The following SLC25A3 variants were observed in gnomAD, a reference collection of about 807,000 sequenced individuals.
The protein encoded by SLC25A3 is phosphate transport protein.
SLC25A3 carries 14 observed loss-of-function variants against 37.1 expected under a neutral mutation model. The ratio of observed to expected loss-of-function variants is 0.38; its 90% CI spans 0.25 to 0.59. The LOEUF is 0.59. SLC25A3 is among the 20% of genes least tolerant of loss of function. The pLI, the probability that SLC25A3 is intolerant of heterozygous loss-of-function variation, is 0.67. For synonymous variants in SLC25A3, 161 were observed against 168.7 expected (o/e 0.95, Z 0.36); for missense variants, 385 against 458.1 (o/e 0.84, Z 1.46).
chr12:98,596,745 CG>C (rs1433141013), intron 3 of SLC25A3, among the ~76,000 whole-genome samples: 2 of 152,230 alleles, frequency 1.3e-5, no homozygotes, highest in African/African-American at 4.8e-5. Flanking sequence ...CAAGCATGGT[CG>C]CCCACACCTG....
At chr12:98,600,232 T>C (rs774036073) in intron 6 of SLC25A3, 105 bp downstream of exon 6, 100 of 868,692 alleles carry the variant, frequency 1.2e-4, no homozygotes, top group Non-Finnish European at 1.8e-4. Context: ...TATAAAGCAG[T>C]GTTTTTGTTT....
In SLC25A3 at chr12:98,599,974, C is replaced by G; in HGVS notation, c.661C>G (p.Pro221Ala). ...GLKAFYKGVA[P>A]LWMRQIPYTM... ...TCCTAGATTCTACAAGGGGGTTGCTCCTCTCTGGATGAGACAGATACCATA... is the reference window on the plus strand; with the variant it reads ...TCCTAGATTCTACAAGGGGGTTGCTGCTCTCTGGATGAGACAGATACCATA... Residue 221 changes from proline to alanine, a missense_variant, in exon 6 of 8, where the codon CCT becomes GCT. This residue lies in a region of SLC25A3 where 276 missense variants were observed against 367.6 expected (regional missense o/e 0.75). Transcript: ENST00000552981. 1 of 1,613,958 alleles carries G rather than the reference C, an allele frequency of 6.2e-7. No individual in the cohort carries two copies. The highest frequency in any genetic ancestry group is 8.5e-7 in the Non-Finnish European group (1 of 1,179,836).
chr12:98,594,978 TTGAC>T, intron 2 of SLC25A3: 1 of 198,952 alleles, frequency 5.0e-6, no homozygotes, highest in East Asian at 1.3e-4. Context: ...TTAAATGTAT[TTGAC>T]TGCAGGAATT....
chr12:98,595,224 C>T (rs550205242), intron 2 of SLC25A3: 4 of 576,762 alleles, frequency 6.9e-6, no homozygotes, highest in Admixed American at 3.0e-5. Flanking sequence ...TGGCAGAATA[C>T]GAGCTATTAA....
At chr12:98,598,373 A>T in intron 4 of SLC25A3, 149 bp from the exon 5 acceptor site, 1 of 1,193,432 alleles carries the variant, frequency 8.4e-7, no homozygotes, top group Non-Finnish European at 1.2e-6. Context: ...GTGTTTTGTT[A>T]ATGAGGTTAT....
Position 98,593,703 on chromosome 12 carries a change from T to C in SLC25A3, c.-42T>C, listed in dbSNP as rs2097590347. The C allele has an allele frequency of 3.7e-6, 2 of 543,056 alleles. No individual in the cohort carries two copies. Among genetic ancestry groups the C allele is most frequent in the Non-Finnish European group, 6.7e-6 (2 of 300,324 alleles). 33.6% of individuals were successfully genotyped at this position (543,056 alleles called of 1,614,324 possible). ...CGTCCGGCCTCTGTGAGCCGCAACC[T>C]TTCCAAGGGAGTGGTTGTGTGATCG... is the stretch of plus-strand genomic sequence containing the variant. On this transcript the variant is annotated 5_prime_UTR_variant, in exon 1 of 8. Transcript: ENST00000552981.
intron 4 of SLC25A3, 72 bp downstream of exon 4, chr12:98,598,107 G>C: frequency 3.3e-6 from 5 of 1,516,122 alleles, no homozygotes; most frequent in Non-Finnish European, 4.6e-6. Flanking sequence ...ATTTTTGTCT[G>C]TCTTGCCTTA....
At chr12:98,593,901 T>C (rs1565828364) in intron 1 of SLC25A3, 74 bp from the exon 2 acceptor site, 1 of 1,563,878 alleles carries the variant, frequency 6.4e-7, no homozygotes, top group Non-Finnish European at 8.8e-7. Flanking sequence ...AAGGCCCCGG[T>C]TGGGGTTCCA....
rs1265804635 is a variant in SLC25A3, at chr12:98,602,897, A to G, written c.*1369A>G. On this transcript the variant is annotated 3_prime_UTR_variant, in exon 8 of 8. Coordinates refer to ENST00000552981, the MANE Select transcript of SLC25A3 (RefSeq NM_002635.4). ...AGAAATGTTACTACAAACTCATGGT[A>G]AGGTCAGTGAACTCAATTTAGAAGC... is the stretch of plus-strand genomic sequence containing the variant. 3 of 152,218 alleles carry G rather than the reference A, an allele frequency of 2.0e-5. No individual in the cohort carries two copies. The highest frequency in any genetic ancestry group is 4.1e-4 in the South Asian group (2 of 4,836). The allele number at this position is 152,218 out of a possible 1,614,324, so 9.4% of individuals were successfully genotyped here. A position where few individuals can be genotyped will look rare whatever the true frequency, so the allele number is the denominator to read the frequency against.
At chr12:98,595,467 C>T in intron 2 of SLC25A3, 2 of 1,613,308 alleles carry the variant, frequency 1.2e-6, no homozygotes, top group Non-Finnish European at 1.7e-6. Flanking sequence ...CTGGCAGATT[C>T]TTTATCCTTT....
At chr12:98,595,973 C>G in intron 3 of SLC25A3, 125 bp downstream of exon 3, 1 of 881,634 alleles carries the variant, frequency 1.1e-6, no homozygotes, top group Non-Finnish European at 1.9e-6. Context: ...CATAGAATTT[C>G]TTTAAATTGT....
rs2097598198 is a variant in SLC25A3, at chr12:98,601,871, T to G, written c.*343T>G. On this transcript the variant is annotated 3_prime_UTR_variant, in exon 8 of 8. Coordinates refer to ENST00000552981, the MANE Select transcript of SLC25A3 (RefSeq NM_002635.4). ...TCAGAAATTGTCATATGTCTCAAGT[T>G]TTATCACACAAAGTTCCTGTATTTC... is the stretch of plus-strand genomic sequence containing the variant. The G allele has an allele frequency of 4.1e-6, 1 of 246,572 alleles. No homozygotes were observed. The highest frequency in any genetic ancestry group is 8.0e-6 in the Non-Finnish European group (1 of 125,192). The allele number at this position is 246,572 out of a possible 1,614,324, so 15.3% of individuals were successfully genotyped here.
In SLC25A3 at chr12:98,597,872, A is replaced by G; in HGVS notation, c.296A>G (p.Tyr99Cys). 2 of 1,614,008 alleles carry G rather than the reference A, an allele frequency of 1.2e-6. No homozygotes were observed. Among genetic ancestry groups the G allele is most frequent in the Non-Finnish European group, 1.7e-6 (2 of 1,179,910 alleles). ...TAAATAAAGGTGGACCCCCAAAAGT[A>G]CAAGGGCATATTTAACGGATTCTCA... Reference protein sequence around the residue: ...KCRMQVDPQKYKGIFNGFSVT... With the variant: ...KCRMQVDPQKCKGIFNGFSVT... The change falls in exon 4 of 8, where the codon TAC becomes TGC. Residue 99 changes from tyrosine (Y) to cysteine (C), a missense_variant. Around this residue, in one of 2 missense-constraint regions of SLC25A3, gnomAD observed 276 missense variants for 367.6 expected, o/e 0.75. Coordinates refer to ENST00000552981, the MANE Select transcript of SLC25A3 (RefSeq NM_002635.4).
In SLC25A3 at chr12:98,602,788, T is replaced by A. The variant is rs1592981567; in HGVS notation, c.*1260T>A. Reference sequence around the variant, plus strand: ...AACACTAGATTTTACCTAGAGTCCTTATGTGTAATACGTGGGTTGGTTAAC... The same window carrying A: ...AACACTAGATTTTACCTAGAGTCCTAATGTGTAATACGTGGGTTGGTTAAC... On this transcript the variant is annotated 3_prime_UTR_variant, in exon 8 of 8. Coordinates refer to ENST00000552981, the MANE Select transcript of SLC25A3 (RefSeq NM_002635.4). The A allele has an allele frequency of 6.6e-6, 1 of 152,200 alleles. No individual in the cohort carries two copies. Among genetic ancestry groups the A allele is most frequent in the Admixed American group, 6.5e-5 (1 of 15,278 alleles). The allele number at this position is 152,200 out of a possible 1,614,324, so 9.4% of individuals were successfully genotyped here.
chr12:98,598,654 A>T lies in SLC25A3; in HGVS notation c.592A>T (p.Thr198Ser), dbSNP rs754743636. The change falls in exon 5 of 8, where the codon ACT (threonine) becomes TCT (serine). Residue 198 changes from threonine to serine, a missense_variant. Thr to Ser is a moderately conservative substitution (Grantham distance 58, BLOSUM62 1). Transcript: ENST00000552981. ...TCAAACCCAGCCAGGTTATGCCAAC[A>T]CTTTGAGGGATGCAGCTCCCAAAAT... ...RIQTQPGYAN[T>S]LRDAAPKMYK... The T allele has an allele frequency of 3.7e-6, 6 of 1,614,066 alleles. No individual in the cohort carries two copies. The highest frequency in any genetic ancestry group is 8.5e-7 in the Non-Finnish European group (1 of 1,180,018).
chr12:98,604,263 A>AAAAAAAAAAATATATAT lies in SLC25A3; in HGVS notation c.*2736_*2737insAAAAAAAAATATATATA, dbSNP rs1302964992. 1 of 134,592 alleles carries AAAAAAAAAAATATATAT rather than the reference A, an allele frequency of 7.4e-6. No individual in the cohort carries two copies. The highest frequency in any genetic ancestry group is 2.9e-5 in the African/African-American group (1 of 34,844). 8.3% of individuals were successfully genotyped at this position (134,592 alleles called of 1,614,324 possible). ...GCGAAACTCTGTCTCAAAAAAAAAAAATATATATATATATATATATATATG... is the reference window on the plus strand; with the variant it reads ...GCGAAACTCTGTCTCAAAAAAAAAAAAAAAAAAAAATATATATATATATATATATATATATATATATG... On this transcript the variant is annotated 3_prime_UTR_variant, in exon 8 of 8. Transcript: ENST00000552981.
rs943305024 is a variant in SLC25A3 at position 98,602,021 on chromosome 12, C to T, written c.*493C>T. On this transcript the variant is annotated 3_prime_UTR_variant, in exon 8 of 8. Coordinates refer to ENST00000552981, the MANE Select transcript of SLC25A3 (RefSeq NM_002635.4). ...TTACATTTTTGCAGCATGTACTACA[C>T]CTTTTTTATGTTGGTGAGTTTGCTA... 1.2e-5 allele frequency: 2 copies of T among 169,184 alleles called. No individual in the cohort carries two copies. Among genetic ancestry groups the T allele is most frequent in the African/African-American group, 4.8e-5 (2 of 41,510 alleles). The allele number at this position is 169,184 out of a possible 1,614,324, so 10.5% of individuals were successfully genotyped here.
At chr12:98,595,103 TTC>T in intron 2 of SLC25A3, 1 of 313,696 alleles carries the variant, frequency 3.2e-6, no homozygotes, top group South Asian at 3.5e-5. Context: ...CGAGTGATCT[TTC>T]TGAGTTTCGT....
At chr12:98,598,263 A>G (rs2097594690) in intron 4 of SLC25A3, 2 of 692,498 alleles carry the variant, frequency 2.9e-6, no homozygotes, top group Non-Finnish European at 4.7e-6. Flanking sequence ...AGTAAGTTGG[A>G]TTTTGAGTTT....
Sources: allele counts gnomAD v4.1 joint callset (sites outside exome capture counted in the v4.1 genomes callset), GRCh38; gene constraint gnomAD v4.1.1; regional missense constraint gnomAD v4.1.1; transcripts MANE v1.5; gene names NCBI Gene and HGNC (gene_info 2026-07-23, HGNC 2026-07-21).